Variants in DCDC1 observed in about 807,000 individuals in gnomAD.
DCDC1 encodes the protein doublecortin domain containing 1.
DCDC1 carries 200 observed loss-of-function variants against 178.3 expected under a neutral mutation model. The ratio of observed to expected loss-of-function variants is 1.12; its 90% CI spans 1.00 to 1.26. DCDC1 has a LOEUF of 1.26. Among genes scored for constraint, DCDC1 ranks in the 50% most tolerant of loss-of-function variants. The probability of loss-of-function intolerance (pLI) is 0.00; values close to 1 mark genes in which losing one functional copy is unlikely to be tolerated. For missense variants in DCDC1, 1,983 were observed against 1,749.2 expected (o/e 1.13, Z -2.38); for synonymous variants, 690 against 604.8 (o/e 1.14, Z -2.07).
intron 9 of DCDC1, among the ~76,000 whole-genome samples, chr11:31,200,236 C>A (rs1445130851): frequency 6.6e-6 from 1 of 151,926 alleles, no homozygotes; most frequent in Non-Finnish European, 1.5e-5. Flanking sequence ...TTAAAACTGT[C>A]TAAAGATGTG....
chr11:31,303,720 T>C (rs1336897668), intron 6 of DCDC1, among the ~76,000 whole-genome samples: 1 of 152,178 alleles, frequency 6.6e-6, no homozygotes, highest in Non-Finnish European at 1.5e-5. Context: ...CTTAGATGAA[T>C]GGCTTTTCCC....
In DCDC1 at chr11:30,931,868, C is replaced by CA; in HGVS notation, c.2799dup (p.Ala934CysfsTer15). ...TGCAAAACTCTGAGTCGCACAGGGG[C>CA]ATATGGCTCTGTTGTCTTACAGATG... On this transcript the variant is annotated frameshift_variant, in exon 22 of 39. Transcript: ENST00000684477. LOFTEE classifies it high-confidence loss of function. 1 of 1,613,162 alleles carries CA rather than the reference C, an allele frequency of 6.2e-7. No individual in the cohort carries two copies. Among genetic ancestry groups the CA allele is most frequent in the Non-Finnish European group, 8.5e-7 (1 of 1,179,428 alleles).
At chr11:31,084,422 G>A (rs549459023) in intron 17 of DCDC1, among the ~76,000 whole-genome samples, 1 of 152,102 alleles carries the variant, frequency 6.6e-6, no homozygotes, top group African/African-American at 2.4e-5. Context: ...AGATGTCCTG[G>A]AAAAGATAAA....
intron 1 of DCDC1, among the ~76,000 whole-genome samples, chr11:31,352,044 A>C (rs1951101043): frequency 6.6e-6 from 1 of 152,170 alleles, no homozygotes; most frequent in African/African-American, 2.4e-5. Flanking sequence ...TATTATTGAG[A>C]AACATATCCT....
Position 31,306,162 on chromosome 11 carries a change from T to C in DCDC1, c.591+70A>G, listed in dbSNP as rs1422041527. On this transcript the variant is annotated intron_variant, in intron 5 of 38. Coordinates refer to ENST00000684477, the MANE Select transcript of DCDC1 (RefSeq NM_001387274.1). ...AAAGAAAATATTAACAATAATTTTC[T>C]CATTTTTTATATTATAAAGAGAGTA... is the stretch of plus-strand genomic sequence containing the variant. 3.1e-6 allele frequency: 4 copies of C among 1,298,072 alleles called. No individual in the cohort carries two copies. In the Admixed American group the frequency reaches 1.1e-4, roughly 37 times the overall value. The allele number at this position is 1,298,072 out of a possible 1,614,324, so 80.4% of individuals were successfully genotyped here.
At chr11:31,239,561 A>G (rs1388213387) in intron 9 of DCDC1, among the ~76,000 whole-genome samples, 1 of 152,030 alleles carries the variant, frequency 6.6e-6, no homozygotes, top group Non-Finnish European at 1.5e-5. Context: ...CTTCATTTTT[A>G]TATTTCCAAA....
At position 31,290,797 on chromosome 11, in the gene DCDC1, A is replaced by G. The variant is rs1253060899; in HGVS notation, c.810T>C (p.Pro270=). The change falls in exon 7 of 39, where the codon CCT becomes CCC. Residue 270 remains proline, a synonymous_variant. Transcript: ENST00000684477. ...TGGTTTTCCGTCTTTTGATATCAGT[A>G]GGAAGCATCAACCCATTCATTGTCC... The part of the protein sequence containing the change: ...VTWTMNGLML[P]TDIKRRKTKP... 1 of 1,613,370 alleles carries G rather than the reference A, an allele frequency of 6.2e-7. No individual in the cohort carries two copies. Among genetic ancestry groups the G allele is most frequent in the African/African-American group, 1.3e-5 (1 of 74,906 alleles).
chr11:30,993,871 G>A (rs1951110775), intron 20 of DCDC1, among the ~76,000 whole-genome samples: 1 of 152,192 alleles, frequency 6.6e-6, no homozygotes, highest in African/African-American at 2.4e-5. Context: ...CTACCAAACA[G>A]TTAATAAAGA....
intron 1 of DCDC1, among the ~76,000 whole-genome samples, chr11:31,361,287 T>G (rs548542936): frequency 6.6e-6 from 1 of 152,146 alleles, no homozygotes; most frequent in Non-Finnish European, 1.5e-5. Context: ...CAAGATGGCA[T>G]GCATCTGCAA....
At chr11:31,168,521 C>T (rs2136206339) in intron 9 of DCDC1, among the ~76,000 whole-genome samples, 1 of 152,314 alleles carries the variant, frequency 6.6e-6, no homozygotes, top group Non-Finnish European at 1.5e-5. Context: ...CTTAAACATA[C>T]ATTTACTGAT....
chr11:31,138,130 T>A (rs550313459), intron 9 of DCDC1, among the ~76,000 whole-genome samples: 1 of 152,198 alleles, frequency 6.6e-6, no homozygotes, highest in Non-Finnish European at 1.5e-5. Flanking sequence ...TTCTATTAAA[T>A]CCTTTCATTA....
intron 2 of DCDC1, among the ~76,000 whole-genome samples, chr11:31,335,039 G>A (rs1206016426): frequency 1.3e-5 from 2 of 152,196 alleles, no homozygotes; most frequent in Non-Finnish European, 2.9e-5. Flanking sequence ...GGCTTGCAGA[G>A]CTGCGGAGGG....
intron 20 of DCDC1, among the ~76,000 whole-genome samples, chr11:30,994,188 CTAAA>C (rs1951127727): frequency 6.6e-6 from 1 of 152,078 alleles, no homozygotes; most frequent in African/African-American, 2.4e-5. Flanking sequence ...TTACCATAGA[CTAAA>C]TAGGAAAATC....
intron 38 of DCDC1, 121 bp downstream of exon 38, chr11:30,878,423 C>T: frequency 2.1e-6 from 2 of 959,406 alleles, no homozygotes; most frequent in Non-Finnish European, 1.4e-6. Flanking sequence ...CACTACACTC[C>T]AGCCTGGGTG....
intron 10 of DCDC1, among the ~76,000 whole-genome samples, chr11:31,128,384 T>C (rs1961949751): frequency 6.6e-6 from 1 of 152,150 alleles, no homozygotes; most frequent in African/African-American, 2.4e-5. Context: ...TTGTGGATTA[T>C]TAATAGCAGT....
At chr11:30,921,791 T>A (rs557725722) in intron 24 of DCDC1, among the ~76,000 whole-genome samples, 17 of 152,268 alleles carry the variant, frequency 1.1e-4, no homozygotes, top group African/African-American at 4.1e-4. Flanking sequence ...GCTACTCCAA[T>A]CTGAGGCACA....
chr11:30,877,496 G>A (rs1942242229), intron 38 of DCDC1, among the ~76,000 whole-genome samples: 1 of 152,020 alleles, frequency 6.6e-6, no homozygotes, highest in African/African-American at 2.4e-5. Flanking sequence ...AAGATTGCTA[G>A]GGATCTCCCT....
chr11:30,898,396 G>A (rs1049508506), intron 34 of DCDC1, among the ~76,000 whole-genome samples: 2 of 152,190 alleles, frequency 1.3e-5, no homozygotes, highest in African/African-American at 4.8e-5. Flanking sequence ...CTTGGATAAT[G>A]ATATATAGCT....
At chr11:31,279,244 T>TG (rs1432169597) in intron 7 of DCDC1, among the ~76,000 whole-genome samples, 8 of 151,538 alleles carry the variant, frequency 5.3e-5, no homozygotes, top group East Asian at 3.9e-4. Context: ...ATTTTCTTTT[T>TG]TTTGTGTGTG....
Sources: allele counts gnomAD v4.1 joint callset (sites outside exome capture counted in the v4.1 genomes callset), GRCh38; gene constraint gnomAD v4.1.1; transcripts MANE v1.5; gene names NCBI Gene and HGNC (gene_info 2026-07-23, HGNC 2026-07-21).